MLLT3: variants seen among roughly 807,000 people sequenced by gnomAD.
The protein encoded by MLLT3 is MLLT3 super elongation complex subunit.
A neutral mutation model predicts 53.2 loss-of-function variants in MLLT3; 4 were observed. The ratio of observed to expected loss-of-function variants is 0.08; its 90% CI spans 0.04 to 0.17. MLLT3 has a LOEUF of 0.17. Ranked by LOEUF, MLLT3 falls within the 10% of genes least tolerant of loss-of-function variation. The pLI, the probability that MLLT3 is intolerant of heterozygous loss-of-function variation, is 1.00. For missense variants in MLLT3, 569 were observed against 684.0 expected, an observed-to-expected ratio of 0.83 and a Z score of 1.87; for synonymous variants, 283 against 230.6, an observed-to-expected ratio of 1.23 and a Z score of -2.06.
At chr9:20,521,907 A>C (rs1818071976) in intron 2 of MLLT3, among the ~76,000 whole-genome samples, 1 of 152,168 alleles carries the variant, frequency 6.6e-6, no homozygotes, top group African/African-American at 2.4e-5. Context: ...CTAAAAGAAG[A>C]GGAAAGAATG....
At position 20,598,065 on chromosome 9, in the gene MLLT3, T is replaced by C. The variant is rs535375680; in HGVS notation, c.193+22589A>G. On this transcript the variant is annotated intron_variant, in intron 2 of 10. Transcript: ENST00000380338. ...CAATTTGTGCCACAAAGTCTAATCT[T>C]AGCCCAGATCTATTTTTGGATTCAT... 9.8e-5 allele frequency among the ~76,000 whole-genome samples: 15 copies of C among 152,332 alleles called. 1 individual carries two copies. The South Asian group carries it at 2.7e-3, about 27-fold the overall frequency.
chr9:20,500,934 A>G (rs1020366290), intron 2 of MLLT3, among the ~76,000 whole-genome samples: 1 of 152,224 alleles, frequency 6.6e-6, no homozygotes, highest in Non-Finnish European at 1.5e-5. Context: ...CCCAATAATT[A>G]TTAAGAATTG....
At chr9:20,405,351 C>G (rs564591522) in intron 5 of MLLT3, among the ~76,000 whole-genome samples, 21 of 152,198 alleles carry the variant, frequency 1.4e-4, no homozygotes, top group Non-Finnish European at 2.8e-4. Flanking sequence ...GGCACCACTA[C>G]CAGATGGTCA....
At chr9:20,396,951 T>C (rs1822336108) in intron 5 of MLLT3, among the ~76,000 whole-genome samples, 1 of 152,144 alleles carries the variant, frequency 6.6e-6, no homozygotes, top group African/African-American at 2.4e-5. Context: ...GTTAAACACA[T>C]ACACACACTT....
chr9:20,599,704 G>A (rs1820369044), intron 2 of MLLT3, among the ~76,000 whole-genome samples: 2 of 152,104 alleles, frequency 1.3e-5, no homozygotes, highest in Non-Finnish European at 2.9e-5. Flanking sequence ...CTAAAAAAGG[G>A]TGACTATATA....
chr9:20,495,148 T>G (rs1450531470), intron 2 of MLLT3, among the ~76,000 whole-genome samples: 1 of 152,170 alleles, frequency 6.6e-6, no homozygotes, highest in Non-Finnish European at 1.5e-5. Context: ...ATATAAATCA[T>G]TTTTCTCTCT....
intron 2 of MLLT3, among the ~76,000 whole-genome samples, chr9:20,594,448 C>T (rs1820202082): frequency 6.6e-6 from 1 of 152,016 alleles, no homozygotes; most frequent in African/African-American, 2.4e-5. Context: ...CCTCTTCAAC[C>T]CTTAGGATTA....
At chr9:20,364,237 GT>G in intron 6 of MLLT3, among the ~76,000 whole-genome samples, 1 of 152,192 alleles carries the variant, frequency 6.6e-6, no homozygotes, top group South Asian at 2.1e-4. Context: ...ATACCAGCAT[GT>G]ATAAACATAA....
At chr9:20,492,092 TA>T (rs1419304888) in intron 2 of MLLT3, among the ~76,000 whole-genome samples, 1 of 152,120 alleles carries the variant, frequency 6.6e-6, no homozygotes, top group Non-Finnish European at 1.5e-5. Flanking sequence ...CTAATAAATT[TA>T]AAAGCTTAAA....
chr9:20,503,668 G>A (rs184626791), intron 2 of MLLT3, among the ~76,000 whole-genome samples: 1 of 151,652 alleles, frequency 6.6e-6, no homozygotes, highest in Non-Finnish European at 1.5e-5. Context: ...CAAAAGCACA[G>A]GCAACCAAAA....
chr9:20,503,791 CA>C (rs1825309198), intron 2 of MLLT3, among the ~76,000 whole-genome samples: 1 of 152,042 alleles, frequency 6.6e-6, no homozygotes, highest in Non-Finnish European at 1.5e-5. Context: ...AAAATATATG[CA>C]AACCATGCAT....
chr9:20,507,011 T>A (rs963064964), intron 2 of MLLT3, among the ~76,000 whole-genome samples: 6 of 152,220 alleles, frequency 3.9e-5, no homozygotes, highest in Non-Finnish European at 7.3e-5. Flanking sequence ...AAATCAACAC[T>A]TACTATTCAA....
At chr9:20,367,458 C>T (rs1441273234) in intron 5 of MLLT3, among the ~76,000 whole-genome samples, 1 of 152,162 alleles carries the variant, frequency 6.6e-6, no homozygotes, top group East Asian at 1.9e-4. Flanking sequence ...CACTTTTTAT[C>T]GGTGACTAAA....
At chr9:20,572,471 A>G (rs1254671772) in intron 2 of MLLT3, among the ~76,000 whole-genome samples, 1 of 152,168 alleles carries the variant, frequency 6.6e-6, no homozygotes, top group East Asian at 1.9e-4. Flanking sequence ...CTCCAAAAAT[A>G]TATAGTTTGT....
chr9:20,396,504 G>C (rs1382396763), intron 5 of MLLT3, among the ~76,000 whole-genome samples: 4 of 152,048 alleles, frequency 2.6e-5, no homozygotes, highest in African/African-American at 7.2e-5. Context: ...CCTTTCCCAG[G>C]TCTCAAGAGT....
chr9:20,389,513 G>C (rs1432877518), intron 5 of MLLT3, among the ~76,000 whole-genome samples: 1 of 152,188 alleles, frequency 6.6e-6, no homozygotes, highest in Non-Finnish European at 1.5e-5. Flanking sequence ...GGTGGCTCAT[G>C]CTTGTAATCT....
chr9:20,559,880 C>G (rs1819156766), intron 2 of MLLT3, among the ~76,000 whole-genome samples: 1 of 152,148 alleles, frequency 6.6e-6, no homozygotes, highest in Admixed American at 6.6e-5. Context: ...AGCAAGAGTA[C>G]TAACACAGAA....
chr9:20,458,611 GC>G lies in MLLT3; in HGVS notation c.194-1826del, dbSNP rs562608397. Among the ~76,000 whole-genome samples the G allele has an allele frequency of 1.2e-3, 184 of 152,300 alleles. 3 individuals are homozygous for G. The South Asian group carries it at 0.024, about 20-fold the overall frequency. On this transcript the variant is annotated intron_variant, in intron 2 of 10. Coordinates refer to ENST00000380338, the MANE Select transcript of MLLT3 (RefSeq NM_004529.4). ...GATTAGCACCCTAGAGAGCTCTCTT[GC>G]CCCTTCCTCTATGTGAGGACATGGT... is the stretch of plus-strand genomic sequence containing the variant.
chr9:20,598,458 A>C (rs1382679799), intron 2 of MLLT3, among the ~76,000 whole-genome samples: 1 of 152,230 alleles, frequency 6.6e-6, no homozygotes, highest in African/African-American at 2.4e-5. Flanking sequence ...TGTGCAACAT[A>C]AGGCATTTCC....
Sources: allele counts gnomAD v4.1 joint callset (sites outside exome capture counted in the v4.1 genomes callset), GRCh38; gene constraint gnomAD v4.1.1; transcripts MANE v1.5; gene names NCBI Gene and HGNC (gene_info 2026-07-23, HGNC 2026-07-21).